The following TRAF3IP1 variants were observed in gnomAD, a reference collection of about 807,000 sequenced individuals.
The protein encoded by TRAF3IP1 is intraflagellar transport 54, also known as TRAF3-interacting protein 1.
Under a neutral mutation model 89.9 loss-of-function variants are expected in TRAF3IP1, and 53 were observed. The observed-to-expected ratio is 0.59, with a 90% CI of 0.47 to 0.74. The LOEUF (loss-of-function observed/expected upper bound fraction) is 0.74, where lower values mean the gene tolerates loss of function less well. Among genes scored for constraint, TRAF3IP1 ranks in the 30% least tolerant of loss-of-function variants. The pLI, the probability that TRAF3IP1 is intolerant of heterozygous loss-of-function variation, is 0.00. For synonymous variants in TRAF3IP1, 311 were observed against 322.1 expected (o/e 0.97, Z 0.37); for missense variants, 806 against 866.1 (o/e 0.93, Z 0.87).
intron 15 of TRAF3IP1, among the ~76,000 whole-genome samples, chr2:238,375,470 T>C (rs150910281): frequency 1.4e-3 from 213 of 152,352 alleles, no homozygotes; most frequent in African/African-American, 5.0e-3. Context: ...TGAGTTCTAA[T>C]TTGATTGCAC....
At chr2:238,381,766 G>A (rs1700561014) in intron 15 of TRAF3IP1, among the ~76,000 whole-genome samples, 1 of 152,160 alleles carries the variant, frequency 6.6e-6, no homozygotes, top group Admixed American at 6.5e-5. Context: ...GAACTGACGG[G>A]GACCTTTGAG....
At chr2:238,353,796 C>T (rs1023041380) in intron 14 of TRAF3IP1, among the ~76,000 whole-genome samples, 5 of 151,932 alleles carry the variant, frequency 3.3e-5, no homozygotes, top group Admixed American at 1.3e-4. Flanking sequence ...TTATTTGAGG[C>T]GGAGTCTTGC....
chr2:238,357,574 G>A (rs1699474547), intron 15 of TRAF3IP1, among the ~76,000 whole-genome samples: 1 of 152,192 alleles, frequency 6.6e-6, no homozygotes, highest in South Asian at 2.1e-4. Context: ...AATAATAACT[G>A]GAGAATGTTG....
chr2:238,332,317 A>G (rs1163387297), intron 5 of TRAF3IP1, among the ~76,000 whole-genome samples: 3 of 152,212 alleles, frequency 2.0e-5, no homozygotes, highest in Non-Finnish European at 2.9e-5. Context: ...TACGGTTTTC[A>G]TGCAGTTTAT....
intron 8 of TRAF3IP1, 126 bp from the exon 9 acceptor site, chr2:238,344,371 T>C (rs1354802475): frequency 1.3e-6 from 1 of 747,946 alleles, no homozygotes; most frequent in Non-Finnish European, 2.2e-6. Flanking sequence ...GTCAGTCCTT[T>C]GTCAGTCCTA....
rs148374609 is a variant in TRAF3IP1 at position 238,381,141 on chromosome 2, ATT to A, written c.1690-16306_1690-16305del. On this transcript the variant is annotated intron_variant, in intron 15 of 16. Transcript: ENST00000373327. ...TTTTTTTTTAATTATTTATTTATTT[ATT>A]TTTTTTTTTTTCAGAATTCTGTTTC... Among the ~76,000 whole-genome samples the A allele has an allele frequency of 4.6e-4, 61 of 133,138 alleles. 1 individual carries two copies. The highest frequency in any genetic ancestry group is 1.7e-3 in the African/African-American group (59 of 35,318). The allele number at this position is 133,138 out of a possible 152,430, so 87.3% of individuals were successfully genotyped here.
At chr2:238,360,203 T>C (rs1699598576) in intron 15 of TRAF3IP1, among the ~76,000 whole-genome samples, 1 of 152,248 alleles carries the variant, frequency 6.6e-6, no homozygotes, top group African/African-American at 2.4e-5. Context: ...GAATTTTCCA[T>C]TTAATATTTT....
chr2:238,389,781 T>C (rs1700920429), intron 15 of TRAF3IP1, among the ~76,000 whole-genome samples: 2 of 150,556 alleles, frequency 1.3e-5, no homozygotes, highest in African/African-American at 4.9e-5. Context: ...ATAATAATAG[T>C]AATAATTCTC....
intron 12 of TRAF3IP1, among the ~76,000 whole-genome samples, chr2:238,350,568 G>A (rs1460583594): frequency 6.6e-6 from 1 of 152,146 alleles, no homozygotes; most frequent in Non-Finnish European, 1.5e-5. Flanking sequence ...CCTACTTTGG[G>A]GACACTGGGC....
Position 238,379,044 on chromosome 2 carries a change from G to C in TRAF3IP1, c.1690-18415G>C, listed in dbSNP as rs781055729. Among the ~76,000 whole-genome samples the C allele has an allele frequency of 6.6e-6, 1 of 152,216 alleles. No homozygotes were observed. Among genetic ancestry groups the C allele is most frequent in the South Asian group, 2.1e-4 (1 of 4,830 alleles). The stretch of plus-strand genomic sequence containing the variant: ...CCTCAGGCAGCCTGGCGCTGATGCT[G>C]ATGCAGCCGCCCTGTGTCAGGTGCT... On this transcript the variant is annotated intron_variant, in intron 15 of 16. Coordinates refer to ENST00000373327, the MANE Select transcript of TRAF3IP1 (RefSeq NM_015650.4). This position sits in a 1 kb window ranked among gnomAD's most constrained non-coding sequence, Gnocchi z 4.0.
At chr2:238,360,565 C>T (rs544644367) in intron 15 of TRAF3IP1, among the ~76,000 whole-genome samples, 18 of 152,230 alleles carry the variant, frequency 1.2e-4, no homozygotes, top group Admixed American at 7.2e-4. Flanking sequence ...TTCACATCCT[C>T]GTCAGCACTA....
At chr2:238,327,550 C>G (rs962837592) in intron 3 of TRAF3IP1, among the ~76,000 whole-genome samples, 45 of 152,134 alleles carry the variant, frequency 3.0e-4, no homozygotes, top group African/African-American at 1.1e-3. Context: ...TGAATCAGAT[C>G]AGTGGTTTTT....
chr2:238,398,716 T>C lies in TRAF3IP1; in HGVS notation c.1911-38T>C, dbSNP rs200340977. ...ATTAAGAAGCCAACACACAATGAGA[T>C]GAGAGAGTGATGAGCCGCTGGTTTT... is the stretch of plus-strand genomic sequence containing the variant. On this transcript the variant is annotated intron_variant, in intron 16 of 16. Transcript: ENST00000373327. 1.4e-5 allele frequency: 22 copies of C among 1,537,130 alleles called. No individual in the cohort carries two copies. In the South Asian group the frequency reaches 2.4e-4, roughly 17 times the overall value.
intron 5 of TRAF3IP1, among the ~76,000 whole-genome samples, chr2:238,331,277 G>A (rs551296555): frequency 4.0e-5 from 6 of 148,614 alleles, no homozygotes; most frequent in South Asian, 4.3e-4. Context: ...TGGCCAACAC[G>A]GTGATGAAAC....
At chr2:238,362,683 T>C (rs1047287458) in intron 15 of TRAF3IP1, among the ~76,000 whole-genome samples, 4 of 152,256 alleles carry the variant, frequency 2.6e-5, no homozygotes, top group African/African-American at 9.6e-5. Flanking sequence ...AAGTGAAATC[T>C]CTATTTTAGG....
At chr2:238,366,200 C>T (rs1172146603) in intron 15 of TRAF3IP1, among the ~76,000 whole-genome samples, 1 of 152,120 alleles carries the variant, frequency 6.6e-6, no homozygotes, top group Admixed American at 6.5e-5. Context: ...CGCGCCACTG[C>T]ACTCCAGCCT....
At chr2:238,349,571 C>G (rs1276399576) in intron 12 of TRAF3IP1, among the ~76,000 whole-genome samples, 163 bp downstream of exon 12, 1 of 152,158 alleles carries the variant, frequency 6.6e-6, no homozygotes, top group East Asian at 1.9e-4. Flanking sequence ...CATAGGCCAA[C>G]AGACATGTCA....
At position 238,356,043 on chromosome 2, in the gene TRAF3IP1, A is replaced by G. The variant is rs1699388552; in HGVS notation, c.1652A>G (p.Tyr551Cys). The G allele has an allele frequency of 1.2e-6, 2 of 1,613,904 alleles. No individual in the cohort carries two copies. The highest frequency in any genetic ancestry group is 1.3e-5 in the African/African-American group (1 of 75,056). ...AAAATTTTGGAGACGAAGAAAGATT[A>G]TGAGAAATTGCAGCAGTCACCCAAA... The part of the protein sequence containing the change: ...VKKILETKKD[Y>C]EKLQQSPKPG... The change falls in exon 15 of 17, where the codon TAT becomes TGT. Residue 551 changes from tyrosine (Y) to cysteine (C), a missense_variant. By Grantham distance (194) the Tyr-to-Cys change is radical. Around this residue, in one of 3 missense-constraint regions of TRAF3IP1, gnomAD observed 732 missense variants for 780.5 expected, o/e 0.94. Transcript: ENST00000373327.
chr2:238,366,943 C>G (rs948532526), intron 15 of TRAF3IP1, among the ~76,000 whole-genome samples: 3 of 151,824 alleles, frequency 2.0e-5, no homozygotes, highest in Admixed American at 6.6e-5. Context: ...GCGGGCAGAT[C>G]ACGAAGTCGG....
Sources: allele counts gnomAD v4.1 joint callset (sites outside exome capture counted in the v4.1 genomes callset), GRCh38; gene constraint gnomAD v4.1.1; regional missense constraint gnomAD v4.1.1; non-coding constraint Gnocchi (gnomAD v3.1); transcripts MANE v1.5; gene names NCBI Gene and HGNC (gene_info 2026-07-23, HGNC 2026-07-21).